MAGI3: variants seen among roughly 807,000 people sequenced by gnomAD.
MAGI3 encodes the protein membrane associated guanylate kinase, WW and PDZ domain containing 3, also known as membrane-associated guanylate kinase, WW and PDZ domain-containing protein 3.
Under a neutral mutation model 121.8 loss-of-function variants are expected in MAGI3, and 43 were observed. The ratio of observed to expected loss-of-function variants is 0.35; its 90% confidence interval spans 0.28 to 0.46. The LOEUF is 0.46. Ranked by LOEUF, MAGI3 falls within the 20% of genes least tolerant of loss-of-function variation. The pLI is 1.00. For synonymous variants in MAGI3, 553 were observed against 639.3 expected (o/e 0.86, Z 2.04); for missense variants, 1,547 against 1,797.3 (o/e 0.86, Z 2.52).
chr1:113,426,156 A>G (rs573744942), intron 1 of MAGI3, among the ~76,000 whole-genome samples: 2 of 152,048 alleles, frequency 1.3e-5, no homozygotes, highest in African/African-American at 4.8e-5. Flanking sequence ...CCTGTTTGTC[A>G]TATGGATTAT....
Position 113,683,575 on chromosome 1 carries a change from T to C in MAGI3, c.4007T>C (p.Val1336Ala). ...CCAGATGGGAAGGAAAAATCAGACGTCATCAGGAAAGATGCAAAGCAGAAT... is the reference window on the plus strand; with the variant it reads ...CCAGATGGGAAGGAAAAATCAGACGCCATCAGGAAAGATGCAAAGCAGAAT... Reference protein sequence around the residue: ...QIPDGKEKSDVIRKDAKQNQL... With the variant: ...QIPDGKEKSDAIRKDAKQNQL... Residue 1336 changes from valine to alanine, a missense_variant, in exon 21 of 21, where the codon GTC (valine) becomes GCC (alanine). Coordinates refer to ENST00000307546, the MANE Select transcript of MAGI3 (RefSeq NM_001142782.2). The C allele has an allele frequency of 1.9e-6, 3 of 1,613,630 alleles. No individual in the cohort carries two copies. Among genetic ancestry groups the C allele is most frequent in the Non-Finnish European group, 2.5e-6 (3 of 1,179,828 alleles).
At chr1:113,472,553 AGTTT>A (rs1299316278) in intron 1 of MAGI3, among the ~76,000 whole-genome samples, 1 of 151,368 alleles carries the variant, frequency 6.6e-6, no homozygotes, top group Non-Finnish European at 1.5e-5. Context: ...AATGTTTTGT[AGTTT>A]GTTTCCTCCT....
chr1:113,509,361 T>A (rs544243161), intron 1 of MAGI3, among the ~76,000 whole-genome samples: 16 of 142,828 alleles, frequency 1.1e-4, no homozygotes, highest in Admixed American at 6.4e-4. Flanking sequence ...TTTTCTTTTT[T>A]TTTTTTTGTT....
chr1:113,461,061 C>T (rs1035997908), intron 1 of MAGI3, among the ~76,000 whole-genome samples: 4 of 152,080 alleles, frequency 2.6e-5, no homozygotes, highest in African/African-American at 9.7e-5. Context: ...AATTACAAAA[C>T]ACTCCTCAAA....
chr1:113,611,488 C>T (rs1171481069), intron 6 of MAGI3, among the ~76,000 whole-genome samples: 1 of 152,110 alleles, frequency 6.6e-6, no homozygotes, highest in East Asian at 1.9e-4. Flanking sequence ...CCCTTCCCTT[C>T]CTCAATCCTC....
At chr1:113,450,945 A>G (rs1654456775) in intron 1 of MAGI3, among the ~76,000 whole-genome samples, 1 of 152,222 alleles carries the variant, frequency 6.6e-6, no homozygotes, top group Non-Finnish European at 1.5e-5. Context: ...CAGTTTGCAA[A>G]AAGTGCAGTT....
rs1179245609 is a variant in MAGI3 at position 113,659,124 on chromosome 1, G to C, written c.2674G>C (p.Asp892His). The C allele has an allele frequency of 1.2e-6, 2 of 1,613,808 alleles. No homozygotes were observed. The highest frequency in any genetic ancestry group is 2.2e-5 in the South Asian group (2 of 91,000). The change falls in exon 16 of 21, where the codon GAC (aspartate) becomes CAC (histidine). Residue 892 changes from aspartate to histidine, a missense_variant. Coordinates refer to ENST00000307546, the MANE Select transcript of MAGI3 (RefSeq NM_001142782.2). The part of the protein sequence containing the change: ...IGRVIEGSPA[D>H]RCGKLKVGDH... ...CCGAGTCATAGAAGGAAGTCCGGCT[G>C]ACCGCTGTGGAAAACTGAAAGTTGG...
intron 5 of MAGI3, among the ~76,000 whole-genome samples, 158 bp downstream of exon 5, chr1:113,590,816 T>A (rs766984809): frequency 6.6e-6 from 1 of 152,168 alleles, no homozygotes; most frequent in Non-Finnish European, 1.5e-5. Flanking sequence ...TGATTTTTAA[T>A]CAGATTTAAT....
At position 113,623,785 on chromosome 1, in the gene MAGI3, G is replaced by A. The variant is rs533469734; in HGVS notation, c.1360+791G>A. On this transcript the variant is annotated intron_variant, in intron 9 of 20. Transcript: ENST00000307546. ...TACAGACGTGAGCCACACCGCACCCGGCCTTTCTAGCTATATATTTTTTAT... is the reference window on the plus strand; with the variant it reads ...TACAGACGTGAGCCACACCGCACCCAGCCTTTCTAGCTATATATTTTTTAT... Among the ~76,000 whole-genome samples the A allele has an allele frequency of 8.6e-5, 13 of 151,796 alleles. No individual in the cohort carries two copies. In the East Asian group the frequency reaches 1.7e-3, roughly 20 times the overall value.
In MAGI3 at chr1:113,598,850, A is replaced by G. The variant is rs989486665; in HGVS notation, c.1018+4290A>G. 1.1e-4 allele frequency among the ~76,000 whole-genome samples: 16 copies of G among 152,202 alleles called. No homozygotes were observed. In the East Asian group the frequency reaches 2.9e-3, roughly 27 times the overall value. On this transcript the variant is annotated intron_variant, in intron 6 of 20. Transcript: ENST00000307546. The stretch of plus-strand genomic sequence containing the variant: ...GACAGATATTTACAGAACAATTCTA[A>G]CCAAGAACTGCAGAATATACATTCT...
At position 113,653,926 on chromosome 1, in the gene MAGI3, C is replaced by T. The variant is rs1460739616; in HGVS notation, c.2537C>T (p.Pro846Leu). 3.1e-6 allele frequency: 5 copies of T among 1,613,970 alleles called. No individual in the cohort carries two copies. The highest frequency in any genetic ancestry group is 4.2e-6 in the Non-Finnish European group (5 of 1,180,004). ...GCAGAGGTCCCAGCCAGGCCTGCAC[C>T]CCAGGAGCCCTATGATGTTGTCTTG... ...NRAEVPARPA[P>L]QEPYDVVLQR... The change falls in exon 15 of 21, where the codon CCC becomes CTC. Residue 846 changes from proline to leucine, a missense_variant. Transcript: ENST00000307546.
At chr1:113,582,819 G>A (rs1176772789) in intron 3 of MAGI3, among the ~76,000 whole-genome samples, 1 of 150,178 alleles carries the variant, frequency 6.7e-6, no homozygotes, top group Non-Finnish European at 1.5e-5. Context: ...AAGCAATCTA[G>A]CAATAATATC....
intron 4 of MAGI3, among the ~76,000 whole-genome samples, chr1:113,588,328 T>C (rs1648502254): frequency 6.6e-6 from 1 of 152,126 alleles, no homozygotes; most frequent in Non-Finnish European, 1.5e-5. Context: ...ACCAGAGTGG[T>C]TGGATACAAT....
At chr1:113,534,780 T>A (rs144308204) in intron 1 of MAGI3, among the ~76,000 whole-genome samples, 2 of 152,330 alleles carry the variant, frequency 1.3e-5, no homozygotes, top group East Asian at 3.9e-4. Context: ...AGGGAGAAAG[T>A]AATGATCACC....
At chr1:113,675,854 T>C (rs1035954766) in intron 19 of MAGI3, among the ~76,000 whole-genome samples, 1 of 152,160 alleles carries the variant, frequency 6.6e-6, no homozygotes, top group Non-Finnish European at 1.5e-5. Context: ...GGTTTGGAAA[T>C]CAGACAGGAC....
At chr1:113,577,492 G>A (rs761521809) in intron 2 of MAGI3, among the ~76,000 whole-genome samples, 20 of 151,050 alleles carry the variant, frequency 1.3e-4, no homozygotes, top group Non-Finnish European at 2.7e-4. Context: ...GGGGGATGTA[G>A]AAAGCTTTAT....
chr1:113,654,199 C>A (rs1653346990), intron 15 of MAGI3, among the ~76,000 whole-genome samples, 181 bp downstream of exon 15: 1 of 152,186 alleles, frequency 6.6e-6, no homozygotes. Context: ...TTCCAGGCTT[C>A]AAGTTTATCT....
intron 1 of MAGI3, among the ~76,000 whole-genome samples, chr1:113,423,913 G>A (rs771014786): frequency 1.4e-4 from 22 of 152,178 alleles, no homozygotes; most frequent in Non-Finnish European, 2.4e-4. Flanking sequence ...GCGGGGACTG[G>A]TGTGTCAGCG....
chr1:113,676,863 T>G (rs545422355), intron 19 of MAGI3, among the ~76,000 whole-genome samples: 2 of 152,288 alleles, frequency 1.3e-5, no homozygotes, highest in East Asian at 1.9e-4. Flanking sequence ...GCCTTGAATA[T>G]TCATATCAGG....
Sources: allele counts gnomAD v4.1 joint callset (sites outside exome capture counted in the v4.1 genomes callset), GRCh38; gene constraint gnomAD v4.1.1; transcripts MANE v1.5; gene names NCBI Gene and HGNC (gene_info 2026-07-23, HGNC 2026-07-21).